GAREM1: variants seen among roughly 807,000 people sequenced by gnomAD.
GAREM1 encodes the protein GRB2-associated and regulator of MAPK protein 1.
A neutral mutation model predicts 71.3 loss-of-function variants in GAREM1; 26 were observed. That is an observed-to-expected ratio of 0.36 (90% CI 0.27 to 0.51). The LOEUF (loss-of-function observed/expected upper bound fraction) is 0.51. GAREM1 is among the 20% of genes least tolerant of loss of function. The pLI is 0.95. For missense variants in GAREM1, 1,026 were observed against 1,103.1 expected, an observed-to-expected ratio of 0.93 and a Z score of 0.99; for synonymous variants, 440 against 433.2, an observed-to-expected ratio of 1.02 and a Z score of -0.20.
At chr18:32,293,150 C>CACAT (rs1567952490) in intron 3 of GAREM1, among the ~76,000 whole-genome samples, 3 of 151,610 alleles carry the variant, frequency 2.0e-5, no homozygotes, top group African/African-American at 7.3e-5. Context: ...CACAGACACA[C>CACAT]ACACACACAC....
chr18:32,378,051 TGTGTGTGC>T (rs1428279440), intron 2 of GAREM1, among the ~76,000 whole-genome samples: 7 of 146,846 alleles, frequency 4.8e-5, no homozygotes, highest in African/African-American at 1.8e-4. Flanking sequence ...TGTGTGTGTG[TGTGTGTGC>T]GCGCGGGCGC....
intron 1 of GAREM1, among the ~76,000 whole-genome samples, chr18:32,404,842 A>T (rs1047490943): frequency 6.6e-6 from 1 of 152,226 alleles, no homozygotes; most frequent in Admixed American, 6.5e-5. Flanking sequence ...CCACTGAAAT[A>T]ATTTGATTTC....
rs147534559 is a variant in GAREM1 at position 32,293,815 on chromosome 18, T to G, written c.394-5612A>C. On this transcript the variant is annotated intron_variant, in intron 3 of 5. Transcript: ENST00000269209. ...TCACCAAAGAGGCATACTGACATCC[T>G]CTACCTCTGAATGTGACTTCCTGAG... Among the ~76,000 whole-genome samples the G allele has an allele frequency of 4.1e-3, 617 of 152,304 alleles. 5 individuals carry two copies. The highest frequency in any genetic ancestry group is 0.014 in the African/African-American group (564 of 41,576).
chr18:32,414,672 C>T (rs545889879), intron 1 of GAREM1, among the ~76,000 whole-genome samples: 40 of 151,772 alleles, frequency 2.6e-4, no homozygotes, highest in Middle Eastern at 3.4e-3. Context: ...TTGAAACAAA[C>T]GACAATGGAA....
chr18:32,278,371 G>A (rs973183322), intron 4 of GAREM1, among the ~76,000 whole-genome samples: 2 of 152,124 alleles, frequency 1.3e-5, no homozygotes, highest in Non-Finnish European at 2.9e-5. Context: ...CATATTGTTT[G>A]GAATTGTGGA....
intron 1 of GAREM1, among the ~76,000 whole-genome samples, chr18:32,459,128 T>C (rs2144308162): frequency 6.6e-6 from 1 of 152,272 alleles, no homozygotes; most frequent in South Asian, 2.1e-4. Flanking sequence ...CTAATGTAAA[T>C]TTTAACAAGC....
At chr18:32,439,940 G>C (rs72933552) in intron 1 of GAREM1, among the ~76,000 whole-genome samples, 18,565 of 152,034 alleles carry the variant, frequency 0.12, 1,483 homozygotes, top group East Asian at 0.33. Context: ...TCATCCCCCA[G>C]TCCCAAGAGT....
At chr18:32,385,724 T>G (rs1371772807) in intron 2 of GAREM1, among the ~76,000 whole-genome samples, 1 of 152,166 alleles carries the variant, frequency 6.6e-6, no homozygotes, top group Non-Finnish European at 1.5e-5. Context: ...CTCCTAGCAC[T>G]TTCCAGGGAA....
intron 4 of GAREM1, among the ~76,000 whole-genome samples, chr18:32,282,247 C>T (rs1025406686): frequency 1.3e-5 from 2 of 152,090 alleles, no homozygotes; most frequent in African/African-American, 4.8e-5. Context: ...GGTGAAACCC[C>T]GTCTCTACCA....
intron 3 of GAREM1, among the ~76,000 whole-genome samples, chr18:32,299,593 C>A (rs1444604641): frequency 3.4e-5 from 5 of 147,514 alleles, no homozygotes; most frequent in African/African-American, 1.3e-4. Flanking sequence ...TTACATCTGA[C>A]AAAATTCAGG....
intron 1 of GAREM1, among the ~76,000 whole-genome samples, chr18:32,452,760 A>T (rs1476429256): frequency 6.6e-6 from 1 of 151,830 alleles, no homozygotes; most frequent in Non-Finnish European, 1.5e-5. Context: ...CACATACCAT[A>T]CTCCCACTTA....
intron 1 of GAREM1, among the ~76,000 whole-genome samples, chr18:32,423,164 G>A (rs1270725624): frequency 6.6e-6 from 1 of 152,352 alleles, no homozygotes; most frequent in East Asian, 1.9e-4. Context: ...AAGAATTCCA[G>A]TGGGACACTA....
At chr18:32,388,522 G>A (rs1338749376) in intron 2 of GAREM1, among the ~76,000 whole-genome samples, 1 of 152,076 alleles carries the variant, frequency 6.6e-6, no homozygotes, top group Admixed American at 6.6e-5. Flanking sequence ...ATACAGCAGA[G>A]AAACTGGACA....
At chr18:32,386,235 G>T (rs1421457696) in intron 2 of GAREM1, among the ~76,000 whole-genome samples, 1 of 152,134 alleles carries the variant, frequency 6.6e-6, no homozygotes, top group African/African-American at 2.4e-5. Flanking sequence ...TTGCAACCCA[G>T]GAGAATAAAA....
chr18:32,273,575 C>T (rs188481108), intron 4 of GAREM1, among the ~76,000 whole-genome samples: 2 of 152,232 alleles, frequency 1.3e-5, no homozygotes, highest in Admixed American at 1.3e-4. Context: ...CATTTCTAAG[C>T]TAAAGGGCCT....
intron 1 of GAREM1, among the ~76,000 whole-genome samples, chr18:32,449,397 GA>G (rs1418539608): frequency 3.3e-5 from 5 of 152,196 alleles, no homozygotes; most frequent in Non-Finnish European, 7.3e-5. Context: ...TTAAAAAGCA[GA>G]AAGTTAGGCT....
chr18:32,460,634 T>C (rs560857568), intron 1 of GAREM1, among the ~76,000 whole-genome samples: 16 of 152,358 alleles, frequency 1.1e-4, no homozygotes, highest in Middle Eastern at 3.4e-3. Context: ...TCTAGGAAGA[T>C]GACAACTGTA....
chr18:32,295,710 A>C (rs1218048769), intron 3 of GAREM1, among the ~76,000 whole-genome samples: 1 of 152,242 alleles, frequency 6.6e-6, no homozygotes, highest in Non-Finnish European at 1.5e-5. Context: ...TGTTGTTTCC[A>C]ATAGTGAAGT....
At chr18:32,334,332 G>A (rs1195923861) in intron 2 of GAREM1, among the ~76,000 whole-genome samples, 2 of 152,068 alleles carry the variant, frequency 1.3e-5, no homozygotes, top group African/African-American at 2.4e-5. Context: ...ACGACACCCC[G>A]AGATGTCAAG....
Sources: gnomAD v4.1 joint callset for allele counts (sites outside exome capture counted in the v4.1 genomes callset) on GRCh38, gnomAD v4.1.1 for gene constraint, MANE v1.5 for transcripts, NCBI Gene and HGNC (gene_info 2026-07-23, HGNC 2026-07-21) for gene names.